CLVS2: variants seen among roughly 807,000 people sequenced by gnomAD.
The protein encoded by CLVS2 is clavesin 2.
CLVS2 carries 19 observed loss-of-function variants against 29.0 expected under a neutral mutation model. The observed-to-expected ratio is 0.66, with a 90% confidence interval of 0.46 to 0.96. The LOEUF is 0.96. CLVS2 is among the 40% of genes least tolerant of loss of function. The pLI, the probability that CLVS2 is intolerant of heterozygous loss-of-function variation, is 0.00. For missense variants in CLVS2, 294 were observed against 404.1 expected (o/e 0.73, Z 2.34); for synonymous variants, 161 against 151.3 (o/e 1.06, Z -0.47).
chr6:123,029,130 A>G (rs1289678423), intron 3 of CLVS2, among the ~76,000 whole-genome samples: 1 of 152,198 alleles, frequency 6.6e-6, no homozygotes, highest in Non-Finnish European at 1.5e-5. Context: ...CAGCCCCCAT[A>G]TCTGTGATAA....
At position 123,072,273 on chromosome 6, in the gene CLVS2, T is replaced by C. The variant is rs534919232; in HGVS notation, c.*8512T>C. On this transcript the variant is annotated 3_prime_UTR_variant, in exon 6 of 6. Coordinates refer to ENST00000275162, the MANE Select transcript of CLVS2 (RefSeq NM_001010852.4). ...AGCAGGTGATGTTGAAGAAGAAATA[T>C]AACCTGAAATATAAGAATAGATGTT... 6.6e-6 allele frequency: 1 copy of C among 152,228 alleles called. No individual in the cohort carries two copies. The highest frequency in any genetic ancestry group is 1.9e-4 in the East Asian group (1 of 5,186). The allele number at this position is 152,228 out of a possible 1,614,324, so 9.4% of individuals were successfully genotyped here. A position where few individuals can be genotyped will look rare whatever the true frequency, so the allele number is the denominator to read the frequency against.
At chr6:123,030,590 T>G (rs969775103) in intron 3 of CLVS2, among the ~76,000 whole-genome samples, 9 of 152,140 alleles carry the variant, frequency 5.9e-5, no homozygotes, top group African/African-American at 2.2e-4. Flanking sequence ...AGCTCCAAAC[T>G]GGACTTTGCA....
intron 3 of CLVS2, among the ~76,000 whole-genome samples, chr6:123,047,662 T>A (rs549744112): frequency 1.3e-5 from 2 of 152,336 alleles, no homozygotes; most frequent in South Asian, 4.1e-4. Context: ...TTACTTTTCT[T>A]TTCTTCCTGC....
chr6:123,036,798 A>ATAC (rs1429572897), intron 3 of CLVS2, among the ~76,000 whole-genome samples: 1 of 152,132 alleles, frequency 6.6e-6, no homozygotes, highest in Non-Finnish European at 1.5e-5. Context: ...AGCTATCTTT[A>ATAC]TAATCTACTG....
chr6:123,006,371 G>A (rs981512109), intron 2 of CLVS2, among the ~76,000 whole-genome samples: 3 of 152,170 alleles, frequency 2.0e-5, no homozygotes, highest in African/African-American at 7.2e-5. Flanking sequence ...CCATGGGGGA[G>A]TGGTGTTGTG....
At position 123,002,586 on chromosome 6, in the gene CLVS2, T is replaced by TAATAAAATAAAATAAAATAAAATAA. The variant is rs150606484; in HGVS notation, c.389+4429_389+4453dup. ...CTCATCTCTGGAATTGTACTAAAAA[T>TAATAAAATAAAATAAAATAAAATAA]AATAAAATAAAATAAAATAAAATAA... On this transcript the variant is annotated intron_variant, in intron 2 of 5. Transcript: ENST00000275162. 2.2e-3 allele frequency among the ~76,000 whole-genome samples: 324 copies of TAATAAAATAAAATAAAATAAAATAA among 144,230 alleles called. 1 individual carries two copies. The highest frequency in any genetic ancestry group is 3.1e-3 in the Admixed American group (44 of 14,264). The allele number at this position is 144,230 out of a possible 152,430, so 94.6% of individuals were successfully genotyped here.
chr6:123,066,160 G>C lies in CLVS2; in HGVS notation c.*2399G>C, dbSNP rs1244717249. 13 of 151,482 alleles carry C rather than the reference G, an allele frequency of 8.6e-5. No homozygotes were observed. Among genetic ancestry groups the C allele is most frequent in the Admixed American group, 7.2e-4 (11 of 15,176 alleles). The allele number at this position is 151,482 out of a possible 1,614,324, so 9.4% of individuals were successfully genotyped here. ...GTAATGTTTGTGAACCTTAGTCAAG[G>C]GATATTCATTCAACTTTATAAATTT... On this transcript the variant is annotated 3_prime_UTR_variant, in exon 6 of 6. Coordinates refer to ENST00000275162, the MANE Select transcript of CLVS2 (RefSeq NM_001010852.4).
At chr6:123,056,698 G>A (rs1772698258) in intron 5 of CLVS2, among the ~76,000 whole-genome samples, 1 of 152,136 alleles carries the variant, frequency 6.6e-6, no homozygotes, top group Non-Finnish European at 1.5e-5. Flanking sequence ...AGTAGAGAGA[G>A]TGCCCATTTC....
intron 3 of CLVS2, among the ~76,000 whole-genome samples, chr6:123,039,732 G>C (rs1226660699): frequency 6.6e-6 from 1 of 152,130 alleles, no homozygotes; most frequent in African/African-American, 2.4e-5. Flanking sequence ...TGTATGTTTT[G>C]CTCACAAAAG....
chr6:123,025,153 G>T (rs1304546915), intron 3 of CLVS2, among the ~76,000 whole-genome samples: 1 of 152,014 alleles, frequency 6.6e-6, no homozygotes, highest in Non-Finnish European at 1.5e-5. Flanking sequence ...ACGAGAATAA[G>T]GGGGTTGCCC....
intron 4 of CLVS2, among the ~76,000 whole-genome samples, chr6:123,050,912 A>C (rs995015318): frequency 6.6e-6 from 1 of 152,196 alleles, no homozygotes; most frequent in Non-Finnish European, 1.5e-5. Flanking sequence ...GACAGCTTTG[A>C]CAACCTAGAA....
chr6:123,058,191 C>A (rs895123841), intron 5 of CLVS2, among the ~76,000 whole-genome samples: 2 of 152,186 alleles, frequency 1.3e-5, no homozygotes, highest in African/African-American at 4.8e-5. Context: ...CCGTGTTAAA[C>A]AGATACTGCA....
Position 122,997,896 on chromosome 6 carries a change from C to G in CLVS2, c.119C>G (p.Thr40Ser). 6.2e-7 allele frequency: 1 copy of G among 1,614,190 alleles called. No individual in the cohort carries two copies. Among genetic ancestry groups the G allele is most frequent in the Non-Finnish European group, 8.5e-7 (1 of 1,180,030 alleles). Residue 40 changes from threonine (T) to serine (S), a missense_variant, in exon 2 of 6, where the codon ACC becomes AGC. Thr to Ser is a moderately conservative substitution (Grantham distance 58). Around this residue, in one of 2 missense-constraint regions of CLVS2, gnomAD observed 212 missense variants for 336.4 expected, o/e 0.63. Transcript: ENST00000275162. ...DIQEVRDMVI[T>S]RPDIGFLRTD... is the part of the protein sequence containing the mutation. Reference sequence around the variant, plus strand: ...CAGGAGGTGAGGGATATGGTCATCACCAGGCCGGACATTGGCTTTCTGCGC... The same window carrying G: ...CAGGAGGTGAGGGATATGGTCATCAGCAGGCCGGACATTGGCTTTCTGCGC...
chr6:123,038,739 C>T (rs543291973), intron 3 of CLVS2, among the ~76,000 whole-genome samples: 1 of 151,764 alleles, frequency 6.6e-6, no homozygotes, highest in Admixed American at 6.6e-5. Context: ...TTTGAAAATG[C>T]CGCTTACTGG....
chr6:123,009,727 C>T (rs9320911), intron 2 of CLVS2, among the ~76,000 whole-genome samples: 111,870 of 151,830 alleles, frequency 0.74, 41,735 homozygotes, highest in East Asian at 0.91. Flanking sequence ...GCAAAGTGTA[C>T]AAAAATTGAA....
At chr6:123,014,126 G>T (rs1476028983) in intron 3 of CLVS2, among the ~76,000 whole-genome samples, 1 of 152,076 alleles carries the variant, frequency 6.6e-6, no homozygotes, top group Non-Finnish European at 1.5e-5. Flanking sequence ...AAACATACGT[G>T]TGCATGTGTC....
chr6:123,034,685 G>T (rs993944620), intron 3 of CLVS2, among the ~76,000 whole-genome samples: 1 of 152,060 alleles, frequency 6.6e-6, no homozygotes, highest in African/African-American at 2.4e-5. Context: ...ATAATAAATT[G>T]CCTAGAAGTA....
At chr6:123,039,945 C>T (rs1173138579) in intron 3 of CLVS2, among the ~76,000 whole-genome samples, 1 of 152,152 alleles carries the variant, frequency 6.6e-6, no homozygotes, top group African/African-American at 2.4e-5. Context: ...AGACATTTCA[C>T]TCCATATGCA....
At chr6:123,021,680 A>C (rs1007394462) in intron 3 of CLVS2, among the ~76,000 whole-genome samples, 1 of 152,080 alleles carries the variant, frequency 6.6e-6, no homozygotes, top group African/African-American at 2.4e-5. Context: ...GTATAATATC[A>C]CAATCAGGAA....
Sources: gnomAD v4.1 joint callset for allele counts (sites outside exome capture counted in the v4.1 genomes callset) on GRCh38, gnomAD v4.1.1 for gene constraint, gnomAD v4.1.1 regional missense constraint, MANE v1.5 for transcripts, NCBI Gene and HGNC (gene_info 2026-07-23, HGNC 2026-07-21) for gene names.